Variants in MORC1 observed in about 807,000 individuals in gnomAD.
MORC1 encodes MORC family CW-type zinc finger protein 1.
MORC1 carries 59 observed loss-of-function variants against 134.9 expected under a neutral mutation model. The ratio of observed to expected loss-of-function variants is 0.44; its 90% CI spans 0.35 to 0.54. The LOEUF (loss-of-function observed/expected upper bound fraction) is 0.54. Ranked by LOEUF, MORC1 falls within the 20% of genes least tolerant of loss-of-function variation. MORC1 has a pLI of 0.00. For missense variants in MORC1, 947 were observed against 1,134.5 expected, an observed-to-expected ratio of 0.83 and a Z score of 2.37; for synonymous variants, 395 against 391.7, an observed-to-expected ratio of 1.01 and a Z score of -0.10.
At chr3:109,010,162 A>T (rs12054217) in intron 17 of MORC1, among the ~76,000 whole-genome samples, 72,385 of 151,906 alleles carry the variant, frequency 0.48, 20,380 homozygotes, top group East Asian at 0.91. Context: ...TCTCTTTACC[A>T]TCTACAAATG....
intron 8 of MORC1, among the ~76,000 whole-genome samples, chr3:109,073,410 ACTTTG>A (rs1559937022): frequency 6.6e-6 from 1 of 151,584 alleles, no homozygotes; most frequent in Admixed American, 6.6e-5. Context: ...TGATTCTGCC[ACTTTG>A]ATTGGACACC....
At chr3:109,009,204 G>GTTTTTTTT (rs1207320361) in intron 17 of MORC1, among the ~76,000 whole-genome samples, 2 of 96,760 alleles carry the variant, frequency 2.1e-5, no homozygotes, top group Non-Finnish European at 2.4e-5. Context: ...TACGTTTTTT[G>GTTTTTTTT]TTGTTTTTTT....
chr3:109,000,801 T>G (rs1390399206), intron 20 of MORC1, 143 bp from the exon 21 acceptor site: 6 of 609,514 alleles, frequency 9.8e-6, no homozygotes, highest in Non-Finnish European at 1.7e-5. Flanking sequence ...CCGATCTTTG[T>G]GTATGATAAG....
At chr3:108,980,239 G>C (rs1174215480) in intron 23 of MORC1, among the ~76,000 whole-genome samples, 2 of 152,080 alleles carry the variant, frequency 1.3e-5, no homozygotes, top group Non-Finnish European at 2.9e-5. Context: ...TAGAGGGCAA[G>C]TTCATGTAAC....
chr3:109,102,124 G>A (rs1185113589), intron 4 of MORC1, among the ~76,000 whole-genome samples: 2 of 152,180 alleles, frequency 1.3e-5, no homozygotes, highest in Non-Finnish European at 2.9e-5. Context: ...AGGGTAATGC[G>A]ATAGAGAATT....
chr3:109,000,728 C>A, intron 20 of MORC1, 70 bp from the exon 21 acceptor site: 3 of 1,126,994 alleles, frequency 2.7e-6, no homozygotes, highest in Non-Finnish European at 3.9e-6. Flanking sequence ...AAACTACCTT[C>A]ACTCTTCATT....
At chr3:109,064,663 A>G (rs1950158118) in intron 9 of MORC1, among the ~76,000 whole-genome samples, 2 of 152,206 alleles carry the variant, frequency 1.3e-5, no homozygotes, top group Non-Finnish European at 2.9e-5. Context: ...GTTGTAAATC[A>G]TAACTGCATT....
intron 16 of MORC1, among the ~76,000 whole-genome samples, chr3:109,031,107 G>GT (rs1208069867): frequency 6.6e-6 from 1 of 152,152 alleles, no homozygotes; most frequent in Non-Finnish European, 1.5e-5. Context: ...AGGGACAACA[G>GT]TAAGTTGAAG....
chr3:109,089,378 TCCTAC>T (rs1950674748), intron 8 of MORC1, among the ~76,000 whole-genome samples: 2 of 152,066 alleles, frequency 1.3e-5, no homozygotes, highest in African/African-American at 4.8e-5. Flanking sequence ...AGAATTACAG[TCCTAC>T]AGATTTCACA....
Position 109,072,934 on chromosome 3 carries a change from A to AAC in MORC1, c.690-3179_690-3178dup, listed in dbSNP as rs58749136. ...AGGAAGAGACAGAACAATCTCCCTC[A>AAC]ACACACACACACACACACACACACA... On this transcript the variant is annotated intron_variant, in intron 8 of 27. Transcript: ENST00000232603. 7.9e-3 allele frequency among the ~76,000 whole-genome samples: 1,145 copies of AAC among 144,812 alleles called. 22 individuals carry two copies. Among genetic ancestry groups the AAC allele is most frequent in the African/African-American group, 0.026 (972 of 37,166 alleles).
chr3:108,968,334 C>T (rs1272380192), intron 26 of MORC1, among the ~76,000 whole-genome samples: 4 of 152,120 alleles, frequency 2.6e-5, no homozygotes, highest in African/African-American at 9.7e-5. Flanking sequence ...TATCACCGTC[C>T]AGTTGATAGA....
chr3:109,005,756 A>G (rs1948523546), intron 18 of MORC1, among the ~76,000 whole-genome samples: 1 of 152,202 alleles, frequency 6.6e-6, no homozygotes, highest in African/African-American at 2.4e-5. Context: ...TGCTTGTTAG[A>G]GCCTACTCTC....
intron 14 of MORC1, among the ~76,000 whole-genome samples, chr3:109,048,272 T>A (rs1035974950): frequency 6.6e-6 from 1 of 152,198 alleles, no homozygotes; most frequent in Non-Finnish European, 1.5e-5. Flanking sequence ...ACAGACTGGA[T>A]ATTTTATTAT....
chr3:108,972,820 G>T (rs891936621), intron 24 of MORC1, among the ~76,000 whole-genome samples: 11 of 152,256 alleles, frequency 7.2e-5, no homozygotes, highest in Middle Eastern at 3.4e-3. Flanking sequence ...TCTTTCCATT[G>T]TGAGTATAAA....
intron 20 of MORC1, 142 bp downstream of exon 20, chr3:109,004,675 G>C: frequency 1.3e-6 from 1 of 788,760 alleles, no homozygotes; most frequent in Non-Finnish European, 2.0e-6. Context: ...AGTTTTTTCA[G>C]AACCTTGATT....
chr3:108,997,524 T>A (rs1219097265), intron 21 of MORC1, among the ~76,000 whole-genome samples: 1 of 151,594 alleles, frequency 6.6e-6, no homozygotes, highest in African/African-American at 2.4e-5. Flanking sequence ...ATTTAAAAGG[T>A]AAAATAAAAA....
At chr3:108,986,577 A>G (rs944106796) in intron 22 of MORC1, among the ~76,000 whole-genome samples, 1 of 152,118 alleles carries the variant, frequency 6.6e-6, no homozygotes, top group Admixed American at 6.5e-5. Flanking sequence ...TATCAATCCT[A>G]ATCAAAATTA....
At chr3:109,075,104 T>G (rs1950392863) in intron 8 of MORC1, among the ~76,000 whole-genome samples, 1 of 152,194 alleles carries the variant, frequency 6.6e-6, no homozygotes, top group Non-Finnish European at 1.5e-5. Context: ...TACGTCACTG[T>G]ACAAAATAAG....
Position 108,958,784 on chromosome 3 carries a change from A to G in MORC1, c.*181T>C, listed in dbSNP as rs769688342. On this transcript the variant is annotated 3_prime_UTR_variant, in exon 28 of 28. Transcript: ENST00000232603. The stretch of plus-strand genomic sequence containing the variant: ...TAGATAATTGGATTAGGGAATACAT[A>G]AATTGTAAATCGGTCTCCATTTCTA... 54 of 333,334 alleles carry G rather than the reference A, an allele frequency of 1.6e-4. No homozygotes were observed. Among genetic ancestry groups the G allele is most frequent in the South Asian group, 3.7e-4 (4 of 10,726 alleles). The allele number at this position is 333,334 out of a possible 1,614,324, so 20.6% of individuals were successfully genotyped here. A position where few individuals can be genotyped will look rare whatever the true frequency, so the allele number is the denominator to read the frequency against.
Sources: allele counts gnomAD v4.1 joint callset (sites outside exome capture counted in the v4.1 genomes callset), GRCh38; gene constraint gnomAD v4.1.1; transcripts MANE v1.5; gene names NCBI Gene and HGNC (gene_info 2026-07-23, HGNC 2026-07-21).